The following ANO4 variants were observed in gnomAD, a reference collection of about 807,000 sequenced individuals.
The protein encoded by ANO4 is anoctamin 4.
ANO4 carries 69 observed loss-of-function variants against 141.9 expected under a neutral mutation model. The ratio of observed to expected loss-of-function variants is 0.49; its 90% CI spans 0.40 to 0.59. The LOEUF is 0.59. ANO4 is among the 20% of genes least tolerant of loss of function. The pLI, the probability that ANO4 is intolerant of heterozygous loss-of-function variation, is 0.00. For missense variants in ANO4, 894 were observed against 1,162.2 expected (o/e 0.77, Z 3.36); for synonymous variants, 350 against 394.3 (o/e 0.89, Z 1.33).
At chr12:100,911,666 G>C (rs1593729843) in intron 2 of ANO4, among the ~76,000 whole-genome samples, 1 of 152,048 alleles carries the variant, frequency 6.6e-6, no homozygotes, top group African/African-American at 2.4e-5. Flanking sequence ...CCAATGTCAA[G>C]GCCTGGTCTC....
At chr12:100,839,475 G>A (rs2037122844) in intron 1 of ANO4, among the ~76,000 whole-genome samples, 1 of 151,932 alleles carries the variant, frequency 6.6e-6, no homozygotes, top group African/African-American at 2.4e-5. Context: ...AAACAATCTG[G>A]GCAAGTTTAA....
chr12:100,869,467 G>T (rs1254697944), intron 1 of ANO4, among the ~76,000 whole-genome samples: 2 of 152,160 alleles, frequency 1.3e-5, no homozygotes, highest in East Asian at 1.9e-4. Context: ...TGGGCAAGAA[G>T]ATTTTGTGGG....
chr12:101,043,241 C>T (rs1172310736), intron 12 of ANO4, among the ~76,000 whole-genome samples: 1 of 152,066 alleles, frequency 6.6e-6, no homozygotes, highest in Non-Finnish European at 1.5e-5. Flanking sequence ...TGCTTCAGAC[C>T]TTTGAAAAGT....
chr12:100,909,003 T>C (rs2040975825), intron 2 of ANO4, among the ~76,000 whole-genome samples: 1 of 152,204 alleles, frequency 6.6e-6, no homozygotes, highest in East Asian at 1.9e-4. Flanking sequence ...CTATTAAACA[T>C]GGGTCTTAAG....
chr12:100,724,043 A>T (rs993582864), intron 1 of ANO4, among the ~76,000 whole-genome samples: 2 of 152,178 alleles, frequency 1.3e-5, no homozygotes, highest in Admixed American at 1.3e-4. Flanking sequence ...AAACAAAAAA[A>T]CCTTGCCTGT....
At position 100,735,360 on chromosome 12, in the gene ANO4, G is replaced by A. The variant is rs562065683; in HGVS notation, c.106+1503G>A. ...GTTTAAAAATTCTCGTGGAGAGCTCGCAGACCCTGGTTTGAAAACACTGAG... is the reference window on the plus strand; with the variant it reads ...GTTTAAAAATTCTCGTGGAGAGCTCACAGACCCTGGTTTGAAAACACTGAG... On this transcript the variant is annotated intron_variant, in intron 2 of 29. Coordinates refer to the ANO4 transcript ENST00000644049. 2.2e-4 allele frequency among the ~76,000 whole-genome samples: 33 copies of A among 152,114 alleles called. 1 individual carries two copies. Among genetic ancestry groups the A allele is most frequent in the East Asian group, 1.7e-3 (9 of 5,192 alleles).
chr12:100,864,377 G>A (rs1723876987), intron 1 of ANO4, among the ~76,000 whole-genome samples: 1 of 152,112 alleles, frequency 6.6e-6, no homozygotes, highest in South Asian at 2.1e-4. Flanking sequence ...CAGAAAAAGA[G>A]GAGATAGATA....
At chr12:101,118,857 TCCCTCCC>T (rs1425088877) in intron 25 of ANO4, among the ~76,000 whole-genome samples, 5 of 139,548 alleles carry the variant, frequency 3.6e-5, no homozygotes, top group Admixed American at 7.3e-5. Flanking sequence ...CCTAATGCTA[TCCCTCCC>T]CCCTCCCCCC....
intron 8 of ANO4, among the ~76,000 whole-genome samples, chr12:101,008,588 T>A (rs918801225): frequency 6.6e-6 from 1 of 152,164 alleles, no homozygotes; most frequent in African/African-American, 2.4e-5. Context: ...CAGAGCTAGG[T>A]CATATAGTAC....
intron 2 of ANO4, among the ~76,000 whole-genome samples, chr12:100,918,376 T>C (rs1207566608): frequency 6.6e-6 from 1 of 152,200 alleles, no homozygotes; most frequent in African/African-American, 2.4e-5. Context: ...AGATAAAGTA[T>C]AAAACAAAAT....
chr12:100,747,234 G>A (rs1168845135), intron 3 of ANO4, among the ~76,000 whole-genome samples: 1 of 152,102 alleles, frequency 6.6e-6, no homozygotes, highest in Non-Finnish European at 1.5e-5. Flanking sequence ...TTGATAATGG[G>A]TTCATGGGTT....
chr12:100,957,168 C>T lies in ANO4; in HGVS notation c.457-14138C>T, dbSNP rs189711726. On this transcript the variant is annotated intron_variant, in intron 5 of 27. Coordinates refer to ENST00000392977, the MANE Select transcript of ANO4 (RefSeq NM_001286615.2). ...TACAGGCTGGAAAATACAGGAAGCA[C>T]AGCGCCAACACTTGCTCGGCCTCTG... Among the ~76,000 whole-genome samples, 7 of 152,276 alleles carry T rather than the reference C, an allele frequency of 4.6e-5. No individual in the cohort carries two copies. The East Asian group carries it at 1.2e-3, about 25-fold the overall frequency.
At chr12:101,058,348 C>CT (rs2048212351) in intron 14 of ANO4, among the ~76,000 whole-genome samples, 2 of 152,094 alleles carry the variant, frequency 1.3e-5, no homozygotes, top group South Asian at 4.1e-4. Context: ...TATATGGGCT[C>CT]TTTTTTGGTT....
chr12:100,892,244 C>T (rs931202823), intron 1 of ANO4, among the ~76,000 whole-genome samples: 1 of 152,024 alleles, frequency 6.6e-6, no homozygotes, highest in Admixed American at 6.6e-5. Context: ...AGCTGTTGGA[C>T]GTACTACTTT....
chr12:100,758,100 T>C (rs906350622), intron 3 of ANO4, among the ~76,000 whole-genome samples: 4 of 152,212 alleles, frequency 2.6e-5, no homozygotes, highest in Non-Finnish European at 5.9e-5. Context: ...TTGAGGGCCA[T>C]GTGACAGGTT....
intron 1 of ANO4, among the ~76,000 whole-genome samples, chr12:100,889,794 T>A (rs1277525373): frequency 6.6e-6 from 1 of 152,158 alleles, no homozygotes; most frequent in East Asian, 1.9e-4. Flanking sequence ...GTTGGTGGGA[T>A]GTAAACTAGT....
chr12:100,854,343 A>C (rs1055242916), intron 1 of ANO4, among the ~76,000 whole-genome samples: 3 of 152,106 alleles, frequency 2.0e-5, no homozygotes, highest in Admixed American at 1.3e-4. Flanking sequence ...TCTTTGGAAG[A>C]GTGCAGTTTT....
At chr12:100,939,784 TG>T (rs2042432472) in intron 4 of ANO4, among the ~76,000 whole-genome samples, 1 of 152,178 alleles carries the variant, frequency 6.6e-6, no homozygotes, top group Non-Finnish European at 1.5e-5. Context: ...GATCCCCCAG[TG>T]GGTAGAATAG....
intron 8 of ANO4, among the ~76,000 whole-genome samples, chr12:101,012,003 A>T (rs575559380): frequency 6.6e-6 from 1 of 152,278 alleles, no homozygotes; most frequent in African/African-American, 2.4e-5. Context: ...TGGAAAAACC[A>T]TCTTCCTTGC....
Sources: gnomAD v4.1 joint callset for allele counts (sites outside exome capture counted in the v4.1 genomes callset) on GRCh38, gnomAD v4.1.1 for gene constraint, MANE v1.5 for transcripts, NCBI Gene and HGNC (gene_info 2026-07-23, HGNC 2026-07-21) for gene names.